The following NEXN variants were observed in gnomAD, a reference collection of about 807,000 sequenced individuals.
The protein encoded by NEXN is nexilin.
In NEXN, 65 loss-of-function variants were observed where a neutral mutation model predicts 92.6. The ratio of observed to expected loss-of-function variants is 0.70; its 90% CI spans 0.57 to 0.86. The LOEUF is 0.86. NEXN is among the 40% of genes least tolerant of loss of function. NEXN has a pLI of 0.00. For synonymous variants in NEXN, 254 were observed against 242.5 expected (o/e 1.05, Z -0.44); for missense variants, 778 against 771.1 (o/e 1.01, Z -0.11).
intron 1 of NEXN, among the ~76,000 whole-genome samples, chr1:77,912,452 A>G (rs1648663849): frequency 6.6e-6 from 1 of 152,222 alleles, no homozygotes; most frequent in Admixed American, 6.5e-5. Context: ...AACTGATTCT[A>G]AAGTTTATAT....
chr1:77,924,382 C>T (rs990928746), intron 5 of NEXN: 1 of 152,038 alleles, frequency 6.6e-6, no homozygotes, highest in African/African-American at 2.4e-5. Context: ...ATAAACTAGC[C>T]TACATCTTTC....
rs773726201 is a variant in NEXN at position 77,926,817 on chromosome 1, G to C, written c.789G>C (p.Lys263Asn). The change falls in exon 8 of 13, where the codon AAG (lysine) becomes AAC (asparagine). Residue 263 changes from lysine (K) to asparagine (N), a missense_variant. By Grantham distance (94) the Lys-to-Asn change is moderately conservative. Coordinates refer to ENST00000334785, the MANE Select transcript of NEXN (RefSeq NM_144573.4). ...ELERQRQENRKKQAEEEARKR... is the reference protein window; with the variant it reads ...ELERQRQENRNKQAEEEARKR... ...AGCGACAAAGACAAGAAAACCGAAA[G>C]AAGCAAGCTGAAGAGGAAGCAAGAA... 2 of 1,613,982 alleles carry C rather than the reference G, an allele frequency of 1.2e-6. No homozygotes were observed. Among genetic ancestry groups the C allele is most frequent in the South Asian group, 2.2e-5 (2 of 91,060 alleles).
At chr1:77,924,142 A>C (rs1649662030) in intron 5 of NEXN, 1 of 173,092 alleles carries the variant, frequency 5.8e-6, no homozygotes, top group African/African-American at 2.4e-5. Context: ...CACGCAGATC[A>C]CTTGGGGTCA....
intron 9 of NEXN, among the ~76,000 whole-genome samples, chr1:77,929,941 A>G (rs1040057301): frequency 6.6e-6 from 1 of 151,836 alleles, no homozygotes; most frequent in Non-Finnish European, 1.5e-5. Flanking sequence ...CCTACTATAT[A>G]TTAAATGACC....
intron 5 of NEXN, among the ~76,000 whole-genome samples, chr1:77,924,432 T>G (rs1425646781): frequency 6.6e-6 from 1 of 152,124 alleles, no homozygotes; most frequent in Admixed American, 6.5e-5. Context: ...TTGCCCTATA[T>G]TTATGTTGTA....
chr1:77,942,898 A>T lies in NEXN; in HGVS notation c.*69A>T, dbSNP rs1360046314. 6.6e-7 allele frequency: 1 copy of T among 1,509,932 alleles called. No individual in the cohort carries two copies. The highest frequency in any genetic ancestry group is 9.0e-7 in the Non-Finnish European group (1 of 1,112,342). The allele number at this position is 1,509,932 out of a possible 1,614,324, so 93.5% of individuals were successfully genotyped here. On this transcript the variant is annotated 3_prime_UTR_variant, in exon 13 of 13. Coordinates refer to ENST00000334785, the MANE Select transcript of NEXN (RefSeq NM_144573.4). ...AATCACTTTTCTTCTTCTCTTTTTTAGCTGATGACTACTAGCTCCCCTCCC... is the reference window on the plus strand; with the variant it reads ...AATCACTTTTCTTCTTCTCTTTTTTTGCTGATGACTACTAGCTCCCCTCCC...
Position 77,942,964 on chromosome 1 carries a change from A to C in NEXN, c.*135A>C. ...TCTCTTTCACTCCAACTTTCTTACT[A>C]CATCCATCTTTTCTGTGGCGGGGCC... On this transcript the variant is annotated 3_prime_UTR_variant, in exon 13 of 13. Transcript: ENST00000334785. 1 of 1,247,100 alleles carries C rather than the reference A, an allele frequency of 8.0e-7. No individual in the cohort carries two copies. The highest frequency in any genetic ancestry group is 1.3e-5 in the South Asian group (1 of 76,982). 77.3% of individuals were successfully genotyped at this position (1,247,100 alleles called of 1,614,324 possible).
At chr1:77,906,127 A>T (rs1258854385) in intron 1 of NEXN, among the ~76,000 whole-genome samples, 2 of 152,144 alleles carry the variant, frequency 1.3e-5, no homozygotes, top group Non-Finnish European at 2.9e-5. Context: ...AGAGACATGA[A>T]AAAACAGAGG....
intron 5 of NEXN, among the ~76,000 whole-genome samples, chr1:77,919,281 T>A (rs765502295): frequency 2.4e-4 from 37 of 152,100 alleles, no homozygotes; most frequent in Admixed American, 3.3e-4. Flanking sequence ...GGAGTACAAT[T>A]CAAGATGAGA....
chr1:77,925,324 T>G (rs1649761021), intron 6 of NEXN, 95 bp downstream of exon 6: 1 of 857,148 alleles, frequency 1.2e-6, no homozygotes. Context: ...GAGCTTTTAT[T>G]ATTTTTATTA....
At chr1:77,894,660 C>T (rs1037247059) in intron 1 of NEXN, among the ~76,000 whole-genome samples, 4 of 151,976 alleles carry the variant, frequency 2.6e-5, no homozygotes, top group African/African-American at 9.7e-5. Flanking sequence ...AGGCCTCACC[C>T]TCCTAAAGTG....
At chr1:77,922,140 CTTT>C (rs11365279) in intron 5 of NEXN, among the ~76,000 whole-genome samples, 23 of 111,906 alleles carry the variant, frequency 2.1e-4, no homozygotes, top group Admixed American at 4.4e-4. Context: ...AAAGAGAAGT[CTTT>C]TTTTTTTTTT....
At chr1:77,935,747 A>G in intron 10 of NEXN, 76 bp from the exon 11 acceptor site, 6 of 1,368,434 alleles carry the variant, frequency 4.4e-6, no homozygotes, top group Non-Finnish European at 3.1e-6. Context: ...AAACACAGGA[A>G]TTCAAGGCCA....
At chr1:77,918,967 T>G (rs1426363930) in intron 5 of NEXN, among the ~76,000 whole-genome samples, 1 of 152,166 alleles carries the variant, frequency 6.6e-6, no homozygotes, top group Non-Finnish European at 1.5e-5. Context: ...TGCTGGTATA[T>G]TAGTCTGTTT....
At chr1:77,916,977 G>GT (rs1207439746) in intron 2 of NEXN, among the ~76,000 whole-genome samples, 1 of 152,126 alleles carries the variant, frequency 6.6e-6, no homozygotes, top group Non-Finnish European at 1.5e-5. Context: ...TAGATGGGAA[G>GT]TAATAGTAAC....
At position 77,916,225 on chromosome 1, in the gene NEXN, A is replaced by G. The variant is rs1648965811; in HGVS notation, c.27+92A>G. 4.3e-6 allele frequency: 4 copies of G among 935,270 alleles called. No homozygotes were observed. In the East Asian group the frequency reaches 1.2e-4, roughly 28 times the overall value. 57.9% of individuals were successfully genotyped at this position (935,270 alleles called of 1,614,324 possible). A position where few individuals can be genotyped will look rare whatever the true frequency, so the allele number is the denominator to read the frequency against. ...AGGACAGTCATTTGGTGGAAAGGTC[A>G]TATTTAGGAGTTCATAATTAATAAC... On this transcript the variant is annotated intron_variant, in intron 2 of 12. Transcript: ENST00000334785.
chr1:77,928,903 C>T (rs1650072318), intron 8 of NEXN, among the ~76,000 whole-genome samples: 1 of 152,290 alleles, frequency 6.6e-6, no homozygotes, highest in East Asian at 1.9e-4. Flanking sequence ...CACACCACCA[C>T]ACTGGCTATA....
intron 5 of NEXN, among the ~76,000 whole-genome samples, chr1:77,919,691 C>A (rs1476138210): frequency 6.6e-6 from 1 of 151,558 alleles, no homozygotes; most frequent in African/African-American, 2.4e-5. Context: ...CCTCCACCAC[C>A]CAGGTTGAAG....
intron 6 of NEXN, among the ~76,000 whole-genome samples, chr1:77,925,625 A>T (rs1649784373): frequency 6.6e-6 from 1 of 152,134 alleles, no homozygotes. Context: ...TTTGGTTTTT[A>T]TATAATAGTA....
Sources: allele counts gnomAD v4.1 joint callset (sites outside exome capture counted in the v4.1 genomes callset), GRCh38; gene constraint gnomAD v4.1.1; transcripts MANE v1.5; gene names NCBI Gene and HGNC (gene_info 2026-07-23, HGNC 2026-07-21).